The following COL25A1 variants were observed in gnomAD, a reference collection of about 807,000 sequenced individuals.
The protein encoded by COL25A1 is collagen type XXV alpha 1 chain.
Under a neutral mutation model 128.4 loss-of-function variants are expected in COL25A1, and 103 were observed. The observed-to-expected ratio is 0.80, with a 90% CI of 0.68 to 0.94. The LOEUF is 0.94. Among genes scored for constraint, COL25A1 ranks in the 40% least tolerant of loss-of-function variants. The pLI is 0.00. For missense variants in COL25A1, 745 were observed against 840.0 expected (o/e 0.89, Z 1.40); for synonymous variants, 279 against 277.2 (o/e 1.01, Z -0.06).
intron 5 of COL25A1, among the ~76,000 whole-genome samples, chr4:109,019,301 A>C (rs1757481278): frequency 6.7e-6 from 1 of 149,656 alleles, no homozygotes; most frequent in East Asian, 1.9e-4. Flanking sequence ...GTGATCATGT[A>C]AGTTAATACT....
At chr4:108,875,279 A>G (rs1421399350) in intron 19 of COL25A1, among the ~76,000 whole-genome samples, 1 of 152,232 alleles carries the variant, frequency 6.6e-6, no homozygotes, top group Non-Finnish European at 1.5e-5. Flanking sequence ...CAGGCAACCT[A>G]CAGAATGGGA....
intron 6 of COL25A1, among the ~76,000 whole-genome samples, chr4:109,001,043 T>A (rs1020781950): frequency 2.0e-5 from 3 of 152,048 alleles, no homozygotes; most frequent in African/African-American, 7.2e-5. Context: ...TAATGAAAAA[T>A]TAATGGGAGA....
At chr4:108,945,282 G>A (rs947745695) in intron 8 of COL25A1, among the ~76,000 whole-genome samples, 6 of 152,094 alleles carry the variant, frequency 3.9e-5, no homozygotes, top group African/African-American at 1.4e-4. Flanking sequence ...CATTTCACAG[G>A]GGCTGCCTCC....
At chr4:109,197,548 G>A (rs1479555755) in intron 3 of COL25A1, among the ~76,000 whole-genome samples, 1 of 136,266 alleles carries the variant, frequency 7.3e-6, no homozygotes, top group Non-Finnish European at 1.5e-5. Context: ...AAATAATAGA[G>A]AGAGAGAGTC....
At chr4:108,853,015 A>G in intron 24 of COL25A1, 90 bp from the exon 25 acceptor site, 3 of 1,187,428 alleles carry the variant, frequency 2.5e-6, no homozygotes. Context: ...AACTTTTTGA[A>G]TATGTTTGGC....
At position 109,055,822 on chromosome 4, in the gene COL25A1, T is replaced by G. The variant is rs74316712; in HGVS notation, c.368-5643A>C. Among the ~76,000 whole-genome samples, 1,090 of 152,288 alleles carry G rather than the reference T, an allele frequency of 7.2e-3. 38 individuals are homozygous for G. The East Asian group carries it at 0.11, about 15-fold the overall frequency. ...TTATTTCATACTATTATGGCAAAAA[T>G]CACAATTACTTTTGCACCAACCTAA... On this transcript the variant is annotated intron_variant, in intron 3 of 37. Coordinates refer to ENST00000399132, the MANE Select transcript of COL25A1 (RefSeq NM_198721.4).
chr4:109,177,259 CT>C (rs1409801122), intron 3 of COL25A1, among the ~76,000 whole-genome samples: 1 of 152,140 alleles, frequency 6.6e-6, no homozygotes, highest in Non-Finnish European at 1.5e-5. Context: ...CTTTCAGAGT[CT>C]CAATTTCATT....
intron 3 of COL25A1, among the ~76,000 whole-genome samples, chr4:109,063,768 G>C (rs1395381666): frequency 6.6e-6 from 1 of 152,188 alleles, no homozygotes; most frequent in East Asian, 1.9e-4. Flanking sequence ...AATAAGACTG[G>C]ATAAGTAAGC....
chr4:109,243,019 A>G (rs1242178160), intron 3 of COL25A1, among the ~76,000 whole-genome samples: 3 of 152,038 alleles, frequency 2.0e-5, no homozygotes, highest in African/African-American at 4.8e-5. Context: ...GTCATCCTAC[A>G]TATCTGCAAC....
At chr4:108,852,956 G>GTTA (rs779970748) in intron 24 of COL25A1, 31 bp from the exon 25 acceptor site, 1 of 1,598,108 alleles carries the variant, frequency 6.3e-7, no homozygotes, top group East Asian at 2.2e-5. Context: ...CAAAGACAGA[G>GTTA]TTATCTATTT....
chr4:109,065,532 A>ACGCGCGCG (rs560432083), intron 3 of COL25A1, among the ~76,000 whole-genome samples: 1,879 of 126,388 alleles, frequency 0.015, 61 homozygotes, highest in African/African-American at 0.05. Flanking sequence ...TTGGTGCAGC[A>ACGCGCGCG]CGCGCGCGCG....
At chr4:108,870,298 T>C (rs1239064209) in intron 19 of COL25A1, among the ~76,000 whole-genome samples, 2 of 152,046 alleles carry the variant, frequency 1.3e-5, no homozygotes, top group African/African-American at 4.8e-5. Flanking sequence ...TCATCAAATA[T>C]TTTTCACAGA....
At chr4:108,850,525 G>A (rs1039711602) in intron 26 of COL25A1, among the ~76,000 whole-genome samples, 2 of 152,074 alleles carry the variant, frequency 1.3e-5, no homozygotes. Context: ...GGAGGTAAGC[G>A]AGAATGACTC....
intron 11 of COL25A1, among the ~76,000 whole-genome samples, chr4:108,927,272 ATATTTACC>A (rs1746179927): frequency 6.6e-6 from 1 of 152,112 alleles, no homozygotes; most frequent in African/African-American, 2.4e-5. Flanking sequence ...ATATTTTAAC[ATATTTACC>A]TATTTTAAAA....
At chr4:109,040,106 C>G (rs1366500988) in intron 5 of COL25A1, among the ~76,000 whole-genome samples, 2 of 152,108 alleles carry the variant, frequency 1.3e-5, no homozygotes, top group South Asian at 2.1e-4. Flanking sequence ...AACATAAGAA[C>G]ATCTAGGTAA....
At chr4:108,875,836 G>C (rs1386298026) in intron 19 of COL25A1, among the ~76,000 whole-genome samples, 3 of 152,144 alleles carry the variant, frequency 2.0e-5, no homozygotes. Context: ...TGAGAGACTG[G>C]ATTAAGAAAA....
At chr4:109,032,622 A>T (rs956342092) in intron 5 of COL25A1, among the ~76,000 whole-genome samples, 2 of 152,242 alleles carry the variant, frequency 1.3e-5, no homozygotes, top group African/African-American at 4.8e-5. Flanking sequence ...TTATGCAATT[A>T]GCGATGCTGA....
chr4:109,031,815 G>T (rs1302830379), intron 5 of COL25A1, among the ~76,000 whole-genome samples: 1 of 151,952 alleles, frequency 6.6e-6, no homozygotes, highest in African/African-American at 2.4e-5. Context: ...CTCACAACCT[G>T]GTGTGTCCTC....
At chr4:109,045,619 A>G (rs1052950197) in intron 5 of COL25A1, among the ~76,000 whole-genome samples, 4 of 152,174 alleles carry the variant, frequency 2.6e-5, no homozygotes, top group East Asian at 1.9e-4. Flanking sequence ...TTTCATCATA[A>G]TGTATTTTAC....
Sources: allele counts gnomAD v4.1 joint callset (sites outside exome capture counted in the v4.1 genomes callset), GRCh38; gene constraint gnomAD v4.1.1; transcripts MANE v1.5; gene names NCBI Gene and HGNC (gene_info 2026-07-23, HGNC 2026-07-21).